Variants in NKPD1 observed in about 807,000 individuals in gnomAD.
NKPD1 encodes the protein NTPase KAP family P-loop domain-containing protein 1.
In NKPD1, 37 loss-of-function variants were observed where a neutral mutation model predicts 42.2. The ratio of observed to expected loss-of-function variants is 0.88; its 90% CI spans 0.67 to 1.15. NKPD1 has a LOEUF of 1.15. NKPD1 is among the 50% of genes most tolerant of loss of function. The pLI is 0.00. For missense variants in NKPD1, 1,113 were observed against 1,174.6 expected (o/e 0.95, Z 0.77); for synonymous variants, 552 against 536.5 (o/e 1.03, Z -0.40).
At chr19:45,159,153 C>G in intron 2 of NKPD1, 53 bp from the exon 3 acceptor site, 1 of 1,245,050 alleles carries the variant, frequency 8.0e-7, no homozygotes, top group Non-Finnish European at 1.0e-6. Context: ...CCCCCGGGGG[C>G]ACCGGCACAA....
At chr19:45,159,252 G>C (rs1429049334) in intron 2 of NKPD1, among the ~76,000 whole-genome samples, 152 bp from the exon 3 acceptor site, 1 of 152,188 alleles carries the variant, frequency 6.6e-6, no homozygotes, top group Non-Finnish European at 1.5e-5. Context: ...ATGTGCGGGG[G>C]AGGTATGGGC....
At chr19:45,157,925 A>G (rs1042287091) in intron 3 of NKPD1, among the ~76,000 whole-genome samples, 5 of 151,646 alleles carry the variant, frequency 3.3e-5, no homozygotes, top group Admixed American at 1.3e-4. Flanking sequence ...GGGTTGTACC[A>G]TGTTGGCCAG....
In NKPD1 at chr19:45,153,023, C is replaced by A. The variant is rs752803368; in HGVS notation, c.1414G>T (p.Val472Leu). 2.5e-6 allele frequency: 4 copies of A among 1,583,860 alleles called. No homozygotes were observed. The highest frequency in any genetic ancestry group is 2.6e-6 in the Non-Finnish European group (3 of 1,164,338). Reference protein sequence around the residue: ...DTCYPERVVGVLNAINTLLSD... With the variant: ...DTCYPERVVGLLNAINTLLSD... ...AGCAGCGTGTTGATGGCGTTGAGCA[C>A]GCCCACCACGCGCTCCGGGTAGCAC... Residue 472 changes from valine to leucine, a missense_variant, in exon 5 of 5, where the codon GTG becomes TTG. Transcript: ENST00000686631.
In NKPD1 at chr19:45,152,940, G is replaced by A; in HGVS notation, c.1497C>T (p.Ala499=). ...FILVVDPSIL[A]ACLESAGNMK... Reference sequence around the variant, plus strand: ...TGTTGCCCGCGCTCTCTAGGCACGCGGCCAGGATGCTGGGGTCCACGACCA... The same window carrying A: ...TGTTGCCCGCGCTCTCTAGGCACGCAGCCAGGATGCTGGGGTCCACGACCA... Residue 499 remains alanine, a synonymous_variant, in exon 5 of 5, where the codon GCC becomes GCT. Coordinates refer to ENST00000686631, the MANE Select transcript of NKPD1 (RefSeq NM_198478.4). 1 of 1,581,860 alleles carries A rather than the reference G, an allele frequency of 6.3e-7. No homozygotes were observed. The highest frequency in any genetic ancestry group is 8.6e-7 in the Non-Finnish European group (1 of 1,162,608).
chr19:45,153,306 G>T lies in NKPD1; in HGVS notation c.1131C>A (p.Leu377=). The stretch of plus-strand genomic sequence containing the variant: ...TGGTGGCCGCGCCGCCAAACACCTT[G>T]AGCAGGCTGCCGCTCGGGCTGCCGT... The part of the protein sequence containing the change: ...LGHGSPSGSL[L]KVFGGAATTL... Residue 377 remains leucine (L), a synonymous_variant, in exon 5 of 5, where the codon CTC becomes CTA. Transcript: ENST00000686631. 6.3e-7 allele frequency: 1 copy of T among 1,581,938 alleles called. No individual in the cohort carries two copies. The highest frequency in any genetic ancestry group is 8.6e-7 in the Non-Finnish European group (1 of 1,165,110).
rs1968977266 is a variant in NKPD1 at position 45,160,045 on chromosome 19, A to T, written c.91+15T>A. 3.9e-6 allele frequency: 5 copies of T among 1,295,480 alleles called. No individual in the cohort carries two copies. The South Asian group carries it at 6.2e-5, about 16-fold the overall frequency. 80.2% of individuals were successfully genotyped at this position (1,295,480 alleles called of 1,614,324 possible). ...CCTCTGTCGGCCATCACCCGCCCCCAAACTGAACCCGTACCTTTTCGGTGC... is the reference window on the plus strand; with the variant it reads ...CCTCTGTCGGCCATCACCCGCCCCCTAACTGAACCCGTACCTTTTCGGTGC... On this transcript the variant is annotated intron_variant, in intron 2 of 4. Transcript: ENST00000686631.
upstream of NKPD1, among the ~76,000 whole-genome samples, chr19:45,162,569 G>A (rs553994915): frequency 5.3e-5 from 8 of 152,222 alleles, no homozygotes; most frequent in Admixed American, 2.0e-4. Flanking sequence ...CGTAGGGGCC[G>A]CGTGTGTCCA....
intron 2 of NKPD1, 57 bp downstream of exon 2, chr19:45,160,001 ACT>A: frequency 1.0e-6 from 1 of 991,808 alleles, no homozygotes; most frequent in East Asian, 6.3e-5. Flanking sequence ...TCCTCCATTC[ACT>A]CTGGCTTCCT....
chr19:45,153,247 T>C lies in NKPD1; in HGVS notation c.1190A>G (p.Tyr397Cys). ...LSGSGLLMAV[Y>C]SVGKHLFVSQ... ...TACGAACAGGTGCTTGCCCACCGAG[T>C]ACACGGCCATGAGCAGCCCCGAGCC... The change falls in exon 5 of 5, where the codon TAC (tyrosine) becomes TGC (cysteine). Residue 397 changes from tyrosine to cysteine, a missense_variant. Physicochemically the swap from Tyr to Cys is radical, Grantham distance 194. Around this residue, in one of 3 missense-constraint regions of NKPD1, gnomAD observed 867 missense variants for 870.1 expected, o/e 1.00. Transcript: ENST00000686631. 4 of 1,602,712 alleles carry C rather than the reference T, an allele frequency of 2.5e-6. No homozygotes were observed. The African/African-American group carries it at 4.0e-5, about 16-fold the overall frequency.
Position 45,152,664 on chromosome 19 carries a change from G to A in NKPD1, c.1773C>T (p.Asp591=), listed in dbSNP as rs1415490272. 3.9e-6 allele frequency: 6 copies of A among 1,542,830 alleles called. No homozygotes were observed. Among genetic ancestry groups the A allele is most frequent in the Non-Finnish European group, 2.6e-6 (3 of 1,152,402 alleles). ...GTERGQGRID[D]EAARRIQEAL... is the part of the protein sequence containing the mutation. ...CCTCCTGGATTCGCCGCGCCGCCTC[G>A]TCGTCGATGCGGCCCTGCCCGCGCT... is the stretch of plus-strand genomic sequence containing the variant. The change falls in exon 5 of 5, where the codon GAC becomes GAT. Residue 591 remains aspartate, a synonymous_variant. Transcript: ENST00000686631.
chr19:45,152,714 C>T lies in NKPD1; in HGVS notation c.1723G>A (p.Ala575Thr). The T allele has an allele frequency of 6.4e-7, 1 of 1,566,946 alleles. No homozygotes were observed. Among genetic ancestry groups the T allele is most frequent in the Non-Finnish European group, 8.6e-7 (1 of 1,161,162 alleles). The change falls in exon 5 of 5, where the codon GCG (alanine) becomes ACG (threonine). Residue 575 changes from alanine to threonine, a missense_variant. Transcript: ENST00000686631. ...DAGGESAQLL[A>T]VQAQAGTERG... Reference sequence around the variant, plus strand: ...TCCGTCCCCGCCTGCGCCTGCACCGCCAGCAGCTGCGCGCTCTCGCCCCCG... The same window carrying T: ...TCCGTCCCCGCCTGCGCCTGCACCGTCAGCAGCTGCGCGCTCTCGCCCCCG...
chr19:45,154,206 G>C (rs141136151), intron 4 of NKPD1, among the ~76,000 whole-genome samples: 272 of 152,332 alleles, frequency 1.8e-3, no homozygotes, highest in Non-Finnish European at 3.3e-3. Flanking sequence ...GAGGAGCTAT[G>C]CTAGGCAGCA....
rs2122776546 is a variant in NKPD1 at position 45,152,679 on chromosome 19, C to T, written c.1758G>A (p.Gln586=). The change falls in exon 5 of 5, where the codon CAG becomes CAA. Residue 586 remains glutamine, a synonymous_variant. Transcript: ENST00000686631. ...GCGCCGCCTCGTCGTCGATGCGGCC[C>T]TGCCCGCGCTCCGTCCCCGCCTGCG... is the stretch of plus-strand genomic sequence containing the variant. ...VQAQAGTERG[Q]GRIDDEAARR... 3 of 1,543,660 alleles carry T rather than the reference C, an allele frequency of 1.9e-6. No individual in the cohort carries two copies. The highest frequency in any genetic ancestry group is 1.7e-4 in the Middle Eastern group (1 of 5,898).
At chr19:45,161,019 A>G (rs1263741798), upstream of NKPD1, among the ~76,000 whole-genome samples, 1 of 152,150 alleles carries the variant, frequency 6.6e-6, no homozygotes, top group African/African-American at 2.4e-5. Context: ...TGGAGGCCTC[A>G]GCCCAGTGCC....
At position 45,158,988 on chromosome 19, in the gene NKPD1, G is replaced by T. The variant is rs1348147830; in HGVS notation, c.204C>A (p.Gly68=). ...GCAGGAGGCCCCGGCGCCAGCCACT[G>T]CCACCCACTTGGTGGCTGTGGTAGG... is the stretch of plus-strand genomic sequence containing the variant. The part of the protein sequence containing the change: ...QLAYHSHQVG[G]SGWRRGLLPS... Residue 68 remains glycine (G), a synonymous_variant, in exon 3 of 5, where the codon GGC becomes GGA. Transcript: ENST00000686631. The surrounding 1 kb of genome is among the most constrained non-coding windows in gnomAD (Gnocchi z 4.6). 7.7e-6 allele frequency: 10 copies of T among 1,301,198 alleles called. No homozygotes were observed. Among genetic ancestry groups the T allele is most frequent in the African/African-American group, 1.5e-5 (1 of 65,752 alleles). The allele number at this position is 1,301,198 out of a possible 1,614,324, so 80.6% of individuals were successfully genotyped here.
upstream of NKPD1, among the ~76,000 whole-genome samples, chr19:45,161,709 C>A (rs1969008441): frequency 6.6e-6 from 1 of 152,216 alleles, no homozygotes; most frequent in South Asian, 2.1e-4. Context: ...TGCCTCCCCA[C>A]AGATGCCCTC....
Position 45,153,259 on chromosome 19 carries a change from A to G in NKPD1, c.1178T>C (p.Leu393Pro). The G allele has an allele frequency of 1.9e-6, 3 of 1,602,238 alleles. No homozygotes were observed. The highest frequency in any genetic ancestry group is 2.6e-6 in the Non-Finnish European group (3 of 1,175,398). ...AATTLSGSGL[L>P]MAVYSVGKHL... ...CTTGCCCACCGAGTACACGGCCATGAGCAGCCCCGAGCCCGACAGTGTGGT... is the reference window on the plus strand; with the variant it reads ...CTTGCCCACCGAGTACACGGCCATGGGCAGCCCCGAGCCCGACAGTGTGGT... Residue 393 changes from leucine to proline, a missense_variant, in exon 5 of 5, where the codon CTC (leucine) becomes CCC (proline). Coordinates refer to ENST00000686631, the MANE Select transcript of NKPD1 (RefSeq NM_198478.4).
chr19:45,160,102 T>A lies in NKPD1; in HGVS notation c.49A>T (p.Asn17Tyr). 1.5e-6 allele frequency: 2 copies of A among 1,304,918 alleles called. No individual in the cohort carries two copies. Among genetic ancestry groups the A allele is most frequent in the Non-Finnish European group, 2.0e-6 (2 of 988,706 alleles). 80.8% of individuals were successfully genotyped at this position (1,304,918 alleles called of 1,614,324 possible). A position where few individuals can be genotyped will look rare whatever the true frequency, so the allele number is the denominator to read the frequency against. ...TCTGGGTCCCAGAAGTAGTGCCCGT[T>A]GGGGCTCTGGGCATCCTTGGCGAAG... ...VHFAKDAQSP[N>Y]GHYFWDPELG... Residue 17 changes from asparagine to tyrosine, a missense_variant, in exon 2 of 5, where the codon AAC (asparagine) becomes TAC (tyrosine). This residue lies in a region of NKPD1 where 204 missense variants were observed against 227.8 expected (regional missense o/e 0.90). Coordinates refer to ENST00000686631, the MANE Select transcript of NKPD1 (RefSeq NM_198478.4).
In NKPD1 at chr19:45,150,652, C is replaced by T. The variant is rs968246053; in HGVS notation, c.*1286G>A. ...GTCAGTCCAGGAATGGGAAACAGCACCTCTGCTTGCCCAGCCCCAGGGAAG... is the reference window on the plus strand; with the variant it reads ...GTCAGTCCAGGAATGGGAAACAGCATCTCTGCTTGCCCAGCCCCAGGGAAG... On this transcript the variant is annotated 3_prime_UTR_variant, in exon 5 of 5. Coordinates refer to ENST00000686631, the MANE Select transcript of NKPD1 (RefSeq NM_198478.4). The T allele has an allele frequency of 2.0e-5, 3 of 152,316 alleles. No homozygotes were observed. The highest frequency in any genetic ancestry group is 4.4e-5 in the Non-Finnish European group (3 of 68,106). The allele number at this position is 152,316 out of a possible 1,614,324, so 9.4% of individuals were successfully genotyped here. A position where few individuals can be genotyped will look rare whatever the true frequency, so the allele number is the denominator to read the frequency against.
Sources: allele counts gnomAD v4.1 joint callset (sites outside exome capture counted in the v4.1 genomes callset), GRCh38; gene constraint gnomAD v4.1.1; regional missense constraint gnomAD v4.1.1; non-coding constraint Gnocchi (gnomAD v3.1); transcripts MANE v1.5; gene names NCBI Gene and HGNC (gene_info 2026-07-23, HGNC 2026-07-21).